The following BCOR variants were observed in gnomAD, a reference collection of about 807,000 sequenced individuals.
BCOR encodes BCL6 corepressor, also known as BCL-6 corepressor.
In BCOR, 10 loss-of-function variants were observed where a neutral mutation model predicts 86.7. The observed-to-expected ratio is 0.12, with a 90% CI of 0.07 to 0.20. The LOEUF (loss-of-function observed/expected upper bound fraction) is 0.20, where lower values mean the gene tolerates loss of function less well. BCOR is among the 10% of genes least tolerant of loss of function. BCOR has a pLI of 1.00. For missense variants in BCOR, 1,259 were observed against 1,452.1 expected, an observed-to-expected ratio of 0.87 and a Z score of 2.16; for synonymous variants, 611 against 609.0, an observed-to-expected ratio of 1.00 and a Z score of -0.05.
intron 1 of BCOR, among the ~76,000 whole-genome samples, chrX:40,112,295 AT>A (rs958910744): frequency 2.2e-4 from 23 of 106,554 alleles, no homozygotes; most frequent in East Asian, 5.8e-4. Flanking sequence ...GATGACTTAC[AT>A]TTTTTTTTTC....
intron 2 of BCOR, 80 bp from the exon 3 acceptor site, chrX:40,076,612 G>A: frequency 1.3e-6 from 1 of 777,769 alleles, no homozygotes; most frequent in Non-Finnish European, 2.0e-6. Context: ...GAACAGACCA[G>A]TTTCTACTAA....
At chrX:40,173,952 T>C (rs1938686482) in intron 1 of BCOR, among the ~76,000 whole-genome samples, 1 of 112,949 alleles carries the variant, frequency 8.9e-6, no homozygotes, top group Admixed American at 9.3e-5. Context: ...ACCACTTCTG[T>C]AGACAGAATC....
At chrX:40,115,704 G>A (rs1249834266) in intron 1 of BCOR, among the ~76,000 whole-genome samples, 1 of 107,954 alleles carries the variant, frequency 9.3e-6, no homozygotes, top group Non-Finnish European at 1.9e-5. Context: ...TTGAACCCAG[G>A]AGGCGGAAAC....
intron 14 of BCOR, among the ~76,000 whole-genome samples, chrX:40,052,811 G>A (rs757156795): frequency 1.7e-4 from 19 of 110,852 alleles, no homozygotes; most frequent in Admixed American, 1.4e-3. Context: ...TGATCCGCCC[G>A]CCTTGGCCTC....
At chrX:40,145,863 G>C (rs1303296936) in intron 1 of BCOR, among the ~76,000 whole-genome samples, 1 of 111,969 alleles carries the variant, frequency 8.9e-6, no homozygotes, top group African/African-American at 3.2e-5. Flanking sequence ...CAACCCACGA[G>C]CTTGGGAGAC....
chrX:40,137,473 A>G (rs750264279), intron 1 of BCOR, among the ~76,000 whole-genome samples: 127 of 110,434 alleles, frequency 1.2e-3, no homozygotes, highest in African/African-American at 4.2e-3. Context: ...ACTTGAACCC[A>G]GGAGGCGGAG....
At chrX:40,160,698 C>G (rs1413366188) in intron 1 of BCOR, among the ~76,000 whole-genome samples, 2 of 91,113 alleles carry the variant, frequency 2.2e-5, no homozygotes, top group East Asian at 7.4e-4. Flanking sequence ...GTGTCTCGCT[C>G]TCTCGCCCAG....
At chrX:40,062,481 T>C in intron 9 of BCOR, 88 bp from the exon 10 acceptor site, 1 of 1,099,667 alleles carries the variant, frequency 9.1e-7, no homozygotes, top group Non-Finnish European at 1.2e-6. Context: ...GTGACAAACC[T>C]GCGTGGAGAG....
At chrX:40,155,355 G>A (rs1938267681) in intron 1 of BCOR, among the ~76,000 whole-genome samples, 1 of 112,501 alleles carries the variant, frequency 8.9e-6, no homozygotes, top group African/African-American at 3.2e-5. Flanking sequence ...GAGGGTCGGG[G>A]GCTGCGGAGC....
chrX:40,068,874 T>C (rs1371787158), intron 6 of BCOR, among the ~76,000 whole-genome samples: 1 of 113,155 alleles, frequency 8.8e-6, no homozygotes, highest in African/African-American at 3.2e-5. Flanking sequence ...CCCAACAAGA[T>C]GCACCCACAC....
rs770716410 is a variant in BCOR at position 40,074,470 on chromosome X, G to A, written c.876C>T (p.Gly292=). 49 of 1,204,619 alleles carry A rather than the reference G, an allele frequency of 4.1e-5. No homozygotes were observed. In the South Asian group the frequency reaches 7.3e-4, roughly 18 times the overall value. Reference sequence around the variant, plus strand: ...AATCAACAGGATTCCCAGGGCTGACGCCCATCTTCCACGGGAGGCTTTTGT... The same window carrying A: ...AATCAACAGGATTCCCAGGGCTGACACCCATCTTCCACGGGAGGCTTTTGT... The part of the protein sequence containing the change: ...CADKSLPWKM[G]VSPGNPVDSH... Residue 292 remains glycine (G), a synonymous_variant, in exon 4 of 15, where the codon GGC becomes GGT. Transcript: ENST00000378444.
In BCOR at chrX:40,073,459, G is replaced by A. The variant is rs753105266; in HGVS notation, c.1887C>T (p.Asn629=). ...TAGAGCTTGGTGGAAGGCCGTTCTC[G>A]TTTGCTTTGAAACTCGGTTCTGGGT... is the stretch of plus-strand genomic sequence containing the variant. The part of the protein sequence containing the change: ...ASNPEPSFKA[N]ENGLPPSSIF... Residue 629 remains asparagine (N), a synonymous_variant, in exon 4 of 15, where the codon AAC becomes AAT. Coordinates refer to ENST00000378444, the MANE Select transcript of BCOR (RefSeq NM_001123385.2). 13 of 1,211,324 alleles carry A rather than the reference G, an allele frequency of 1.1e-5. No individual in the cohort carries two copies. The highest frequency in any genetic ancestry group is 5.3e-5 in the South Asian group (3 of 56,945).
At chrX:40,069,553 C>T (rs377430615) in intron 6 of BCOR, among the ~76,000 whole-genome samples, 29 of 112,447 alleles carry the variant, frequency 2.6e-4, no homozygotes, top group African/African-American at 9.4e-4. Flanking sequence ...GTTCCTGTCC[C>T]TTCCTCCAGG....
chrX:40,062,985 C>T lies in BCOR; in HGVS notation c.3934G>A (p.Ala1312Thr), dbSNP rs888552486. The change falls in exon 9 of 15, where the codon GCA (alanine) becomes ACA (threonine). Residue 1312 changes from alanine to threonine, a missense_variant. Coordinates refer to ENST00000378444, the MANE Select transcript of BCOR (RefSeq NM_001123385.2). ...TTGGCAGGCGGCCTGGAGGCTGGTG[C>T]GCAGCTTGGCTGAGCCTGCTTTTTG... ...GGKKQAQPSC[A>T]PASRPPAKQQ... 3 of 1,181,196 alleles carry T rather than the reference C, an allele frequency of 2.5e-6. No homozygotes were observed. The highest frequency in any genetic ancestry group is 3.1e-5 in the East Asian group (1 of 32,268).
chrX:40,157,050 C>T (rs954430228), intron 1 of BCOR, among the ~76,000 whole-genome samples: 2 of 113,553 alleles, frequency 1.8e-5, no homozygotes, highest in Admixed American at 1.8e-4. Flanking sequence ...TTGGCCCTGG[C>T]TACAGTTTAG....
At chrX:40,078,222 C>T (rs776893360) in intron 1 of BCOR, among the ~76,000 whole-genome samples, 2 of 112,564 alleles carry the variant, frequency 1.8e-5, no homozygotes, top group African/African-American at 6.4e-5. Context: ...GTAGCCTCAT[C>T]CAAGGCACAG....
chrX:40,105,102 G>A (rs1232485618), intron 1 of BCOR, among the ~76,000 whole-genome samples: 1 of 111,345 alleles, frequency 9.0e-6, no homozygotes, highest in Non-Finnish European at 1.9e-5. Context: ...CATATCAGCA[G>A]CAGCGGCGGC....
chrX:40,108,991 C>T (rs926257841), intron 1 of BCOR, among the ~76,000 whole-genome samples: 11 of 113,186 alleles, frequency 9.7e-5, no homozygotes, highest in African/African-American at 3.2e-4. Flanking sequence ...CCGAGCCACC[C>T]GCCTCGACCC....
At chrX:40,144,839 G>A (rs1938005134) in intron 1 of BCOR, among the ~76,000 whole-genome samples, 1 of 109,905 alleles carries the variant, frequency 9.1e-6, no homozygotes, top group South Asian at 3.9e-4. Context: ...TTTGATCACT[G>A]CCAAGTTCTC....
Sources: allele counts gnomAD v4.1 joint callset (sites outside exome capture counted in the v4.1 genomes callset), GRCh38; gene constraint gnomAD v4.1.1; transcripts MANE v1.5; gene names NCBI Gene and HGNC (gene_info 2026-07-23, HGNC 2026-07-21).